Variants in PPARGC1A observed in about 807,000 individuals in gnomAD.
PPARGC1A encodes PPARG coactivator 1 alpha.
A neutral mutation model predicts 88.7 loss-of-function variants in PPARGC1A; 25 were observed. The observed-to-expected ratio is 0.28, with a 90% CI of 0.21 to 0.39. The LOEUF (loss-of-function observed/expected upper bound fraction) is 0.39, where lower values mean the gene tolerates loss of function less well. Among genes scored for constraint, PPARGC1A ranks in the 10% least tolerant of loss-of-function variants. PPARGC1A has a pLI of 1.00. For synonymous variants in PPARGC1A, 363 were observed against 355.6 expected, an observed-to-expected ratio of 1.02 and a Z score of -0.24; for missense variants, 880 against 968.7, an observed-to-expected ratio of 0.91 and a Z score of 1.22.
chr4:24,380,001 C>T, the PPARGC1A span, among the ~76,000 whole-genome samples: 1 of 152,140 alleles, frequency 6.6e-6, no homozygotes, highest in Admixed American at 6.5e-5. Context: ...TGGTCTCGAA[C>T]TCCTGACCTC....
At chr4:24,119,098 A>C in the PPARGC1A span, among the ~76,000 whole-genome samples, 1 of 152,176 alleles carries the variant, frequency 6.6e-6, no homozygotes, top group African/African-American at 2.4e-5. Flanking sequence ...GCCTCAACAT[A>C]AAGTGGGATG....
At chr4:23,834,745 C>A (rs1725711397) in intron 2 of PPARGC1A, among the ~76,000 whole-genome samples, 1 of 152,084 alleles carries the variant, frequency 6.6e-6, no homozygotes, top group Non-Finnish European at 1.5e-5. Context: ...AATGATATTC[C>A]TTATTTTCTG....
chr4:24,005,632 T>C, the PPARGC1A span, among the ~76,000 whole-genome samples: 2 of 152,160 alleles, frequency 1.3e-5, no homozygotes, highest in Non-Finnish European at 2.9e-5. Context: ...GAGGTTTCCA[T>C]ATTTGAGGAG....
chr4:24,013,148 C>T, the PPARGC1A span, among the ~76,000 whole-genome samples: 159 of 152,232 alleles, frequency 1.0e-3, 1 homozygote, highest in African/African-American at 3.0e-3. Context: ...GAGAATAAGA[C>T]GGACGTGGCT....
the PPARGC1A span, among the ~76,000 whole-genome samples, chr4:24,265,915 T>TA: frequency 0.3 from 45,446 of 150,540 alleles, 7,609 homozygotes; most frequent in East Asian, 0.46. Flanking sequence ...AGGAAAGGAC[T>TA]AAAAAGAGGG....
chr4:24,004,432 T>C, the PPARGC1A span, among the ~76,000 whole-genome samples: 2 of 152,206 alleles, frequency 1.3e-5, no homozygotes, highest in African/African-American at 2.4e-5. Flanking sequence ...TAAAACCCAA[T>C]TACTGACTTT....
chr4:24,234,819 A>G, the PPARGC1A span, among the ~76,000 whole-genome samples: 21 of 152,310 alleles, frequency 1.4e-4, no homozygotes, highest in East Asian at 4.0e-3. Context: ...CGTCATACTA[A>G]TTGGGCAAAA....
chr4:24,054,941 C>T, the PPARGC1A span, among the ~76,000 whole-genome samples: 1 of 152,210 alleles, frequency 6.6e-6, no homozygotes, highest in African/African-American at 2.4e-5. Context: ...AGGCATTGCC[C>T]TAAATGCTTC....
chr4:24,142,394 T>C, the PPARGC1A span, among the ~76,000 whole-genome samples: 4,845 of 150,452 alleles, frequency 0.032, 95 homozygotes, highest in Non-Finnish European at 0.051. Flanking sequence ...GGGAGGGGGC[T>C]GGGTGCGGTG....
chr4:23,854,986 C>T (rs1170739957), intron 2 of PPARGC1A, among the ~76,000 whole-genome samples: 1 of 152,140 alleles, frequency 6.6e-6, no homozygotes, highest in African/African-American at 2.4e-5. Flanking sequence ...ATAATTCCCA[C>T]GTGTGTAGGA....
At chr4:23,854,560 T>G (rs548022238) in intron 2 of PPARGC1A, among the ~76,000 whole-genome samples, 3 of 152,134 alleles carry the variant, frequency 2.0e-5, no homozygotes, top group Admixed American at 6.5e-5. Flanking sequence ...TTCCACAGAC[T>G]TGGCCAAGAA....
chr4:24,197,276 T>C, the PPARGC1A span, among the ~76,000 whole-genome samples: 1 of 152,336 alleles, frequency 6.6e-6, no homozygotes, highest in Admixed American at 6.5e-5. Flanking sequence ...CTTTTGCAGG[T>C]CATTTTTATC....
chr4:24,069,616 ATCT>A, the PPARGC1A span, among the ~76,000 whole-genome samples: 1 of 152,212 alleles, frequency 6.6e-6, no homozygotes, highest in Non-Finnish European at 1.5e-5. Context: ...CTCCAGAAAT[ATCT>A]TCTCCAGAAG....
chr4:24,110,849 G>A, the PPARGC1A span, among the ~76,000 whole-genome samples: 2 of 152,258 alleles, frequency 1.3e-5, no homozygotes, highest in South Asian at 4.1e-4. Context: ...AAAAGGCTCA[G>A]AAATGTATAC....
chr4:24,059,846 C>G, the PPARGC1A span, among the ~76,000 whole-genome samples: 5 of 152,188 alleles, frequency 3.3e-5, no homozygotes, highest in Non-Finnish European at 5.9e-5. Flanking sequence ...GCCACAAAAT[C>G]TAGGGCAATG....
At chr4:23,977,772 G>A in the PPARGC1A span, among the ~76,000 whole-genome samples, 44 of 152,304 alleles carry the variant, frequency 2.9e-4, no homozygotes, top group Admixed American at 6.5e-4. Flanking sequence ...TTTACTCTCA[G>A]TCAGCTTTGT....
the PPARGC1A span, among the ~76,000 whole-genome samples, chr4:24,270,645 T>C: frequency 6.6e-6 from 1 of 152,176 alleles, no homozygotes; most frequent in Non-Finnish European, 1.5e-5. Context: ...AAAAGGAAAG[T>C]TGTGTAACTT....
intron 7 of PPARGC1A, among the ~76,000 whole-genome samples, chr4:23,817,477 G>T (rs1233632312): frequency 2.0e-5 from 3 of 152,048 alleles, no homozygotes; most frequent in Non-Finnish European, 4.4e-5. Flanking sequence ...CTTCACAATC[G>T]ATTTTAATAG....
At chr4:23,913,052 G>A in the PPARGC1A span, among the ~76,000 whole-genome samples, 26 of 149,034 alleles carry the variant, frequency 1.7e-4, no homozygotes, top group Admixed American at 1.2e-3. Context: ...TGATCCGCCC[G>A]CCTCAGCCGC....
Sources: allele counts gnomAD v4.1 joint callset (sites outside exome capture counted in the v4.1 genomes callset), GRCh38; gene constraint gnomAD v4.1.1; transcripts MANE v1.5; gene names NCBI Gene and HGNC (gene_info 2026-07-23, HGNC 2026-07-21).